The following SOX6 variants were observed in gnomAD, a reference collection of about 807,000 sequenced individuals.
SOX6 encodes SRY-box transcription factor 6, also known as transcription factor SOX-6.
In SOX6, 11 loss-of-function variants were observed where a neutral mutation model predicts 97.8. The ratio of observed to expected loss-of-function variants is 0.11; its 90% CI spans 0.07 to 0.19. SOX6 has a LOEUF of 0.19. SOX6 is among the 10% of genes least tolerant of loss of function. The pLI, the probability that SOX6 is intolerant of heterozygous loss-of-function variation, is 1.00. For synonymous variants in SOX6, 360 were observed against 371.4 expected, an observed-to-expected ratio of 0.97 and a Z score of 0.35; for missense variants, 810 against 1,039.5, an observed-to-expected ratio of 0.78 and a Z score of 3.04.
chr11:16,113,957 G>A (rs1417105415), intron 6 of SOX6, among the ~76,000 whole-genome samples: 1 of 152,072 alleles, frequency 6.6e-6, no homozygotes, highest in Non-Finnish European at 1.5e-5. Context: ...AAATTTCATG[G>A]AAATGAAATG....
intron 3 of SOX6, among the ~76,000 whole-genome samples, chr11:16,682,393 T>C (rs1030859752): frequency 6.6e-6 from 1 of 152,174 alleles, no homozygotes; most frequent in Non-Finnish European, 1.5e-5. Context: ...TCCACCACGA[T>C]CAAGTCAGCT....
intron 12 of SOX6, among the ~76,000 whole-genome samples, chr11:16,019,682 T>C (rs1203638927): frequency 6.6e-6 from 1 of 152,106 alleles, no homozygotes; most frequent in African/African-American, 2.4e-5. Flanking sequence ...GATTCTTTCT[T>C]AGGTAAATAA....
chr11:16,510,564 T>C (rs1860863286), intron 4 of SOX6, among the ~76,000 whole-genome samples: 1 of 152,110 alleles, frequency 6.6e-6, no homozygotes, highest in African/African-American at 2.4e-5. Context: ...GCAAGGGCAA[T>C]TTAGTTAACC....
chr11:16,080,310 T>C (rs569948224), intron 9 of SOX6, among the ~76,000 whole-genome samples: 1 of 150,922 alleles, frequency 6.6e-6, no homozygotes, highest in South Asian at 2.1e-4. Context: ...AATGAGGTCT[T>C]ACAAGTTTCT....
At chr11:16,267,929 TCAAATAAGC>T (rs1326030253) in intron 3 of SOX6, among the ~76,000 whole-genome samples, 3 of 151,356 alleles carry the variant, frequency 2.0e-5, no homozygotes, top group Non-Finnish European at 4.4e-5. Flanking sequence ...TCATGCTAAG[TCAAATAAGC>T]CAAACACAGA....
chr11:16,113,530 C>T (rs1849278823), intron 6 of SOX6, among the ~76,000 whole-genome samples: 2 of 152,142 alleles, frequency 1.3e-5, no homozygotes, highest in African/African-American at 2.4e-5. Context: ...TTGTTGTACC[C>T]TGATGCAAAC....
chr11:16,449,125 AAG>A (rs1859666823), intron 1 of SOX6, among the ~76,000 whole-genome samples: 1 of 152,086 alleles, frequency 6.6e-6, no homozygotes, highest in Non-Finnish European at 1.5e-5. Context: ...TTTAAAAACC[AAG>A]AGTCCAAATT....
chr11:16,595,282 T>C (rs1453474017), intron 4 of SOX6, among the ~76,000 whole-genome samples: 1 of 152,084 alleles, frequency 6.6e-6, no homozygotes, highest in Non-Finnish European at 1.5e-5. Context: ...ACCACGGCCA[T>C]AGCTTCTCTA....
intron 13 of SOX6, among the ~76,000 whole-genome samples, chr11:16,010,476 A>G (rs957059294): frequency 6.6e-6 from 1 of 152,000 alleles, no homozygotes; most frequent in African/African-American, 2.4e-5. Flanking sequence ...ACAACCTCCC[A>G]AAAAGGCTGG....
At chr11:16,440,446 G>A (rs1017714039) in intron 1 of SOX6, among the ~76,000 whole-genome samples, 2 of 152,144 alleles carry the variant, frequency 1.3e-5, no homozygotes, top group Non-Finnish European at 2.9e-5. Context: ...CAGAGCATAT[G>A]TTTATGGCAA....
chr11:16,003,219 C>T (rs1298465834), intron 13 of SOX6, among the ~76,000 whole-genome samples: 1 of 151,968 alleles, frequency 6.6e-6, no homozygotes, highest in Non-Finnish European at 1.5e-5. Flanking sequence ...CTGCTTGGAA[C>T]ATTTTTTGTG....
intron 2 of SOX6, among the ~76,000 whole-genome samples, chr11:16,334,185 A>T (rs1402664764): frequency 6.6e-6 from 1 of 152,098 alleles, no homozygotes; most frequent in South Asian, 2.1e-4. Flanking sequence ...CTGAATACAC[A>T]ACTTCACTGA....
At chr11:16,026,678 GA>G (rs1197032990) in intron 12 of SOX6, among the ~76,000 whole-genome samples, 9 of 151,866 alleles carry the variant, frequency 5.9e-5, no homozygotes. Context: ...CTCCTTCTAG[GA>G]AAAAAGAAGC....
intron 2 of SOX6, among the ~76,000 whole-genome samples, chr11:16,322,055 G>A (rs906150760): frequency 6.6e-6 from 1 of 151,778 alleles, no homozygotes; most frequent in African/African-American, 2.4e-5. Context: ...TTTTAAGGAG[G>A]CTATGTAACT....
At chr11:16,498,323 A>G (rs1860643372) in intron 4 of SOX6, among the ~76,000 whole-genome samples, 1 of 152,238 alleles carries the variant, frequency 6.6e-6, no homozygotes, top group Non-Finnish European at 1.5e-5. Context: ...AAACATGGAA[A>G]GGAACAACCG....
chr11:16,455,689 G>A (rs1342056805), intron 1 of SOX6, among the ~76,000 whole-genome samples: 1 of 151,956 alleles, frequency 6.6e-6, no homozygotes, highest in Admixed American at 6.6e-5. Context: ...GTGTGTCCTG[G>A]AGCTATTAAT....
intron 3 of SOX6, chr11:16,311,483 C>T (rs1272902541): frequency 6.6e-6 from 1 of 152,138 alleles, no homozygotes; most frequent in Non-Finnish European, 1.5e-5. Context: ...ATTTATTGAG[C>T]ACCTACTTTG....
intron 6 of SOX6, among the ~76,000 whole-genome samples, chr11:16,182,655 C>T (rs555673819): frequency 9.2e-5 from 14 of 151,930 alleles, no homozygotes; most frequent in Non-Finnish European, 2.1e-4. Flanking sequence ...AACATGTGTA[C>T]TTGAATATGG....
intron 2 of SOX6, among the ~76,000 whole-genome samples, chr11:16,328,051 A>T (rs573366155): frequency 6.6e-6 from 1 of 152,238 alleles, no homozygotes; most frequent in African/African-American, 2.4e-5. Context: ...TCCAGTTGCA[A>T]TGTTATCCTC....
Sources: gnomAD v4.1 joint callset for allele counts (sites outside exome capture counted in the v4.1 genomes callset) on GRCh38, gnomAD v4.1.1 for gene constraint, MANE v1.5 for transcripts, NCBI Gene and HGNC (gene_info 2026-07-23, HGNC 2026-07-21) for gene names.